PRNP: variants seen among roughly 807,000 people sequenced by gnomAD.
The protein encoded by PRNP is prion protein (Kanno blood group).
Under a neutral mutation model 21.3 loss-of-function variants are expected in PRNP, and 15 were observed. The ratio of observed to expected loss-of-function variants is 0.71; its 90% CI spans 0.47 to 1.09. The LOEUF (loss-of-function observed/expected upper bound fraction) is 1.09. PRNP is among the 50% of genes least tolerant of loss of function. PRNP has a pLI of 0.00. For synonymous variants in PRNP, 121 were observed against 123.1 expected (o/e 0.98, Z 0.11); for missense variants, 285 against 340.9 (o/e 0.84, Z 1.29).
chr20:4,687,794 T>G (rs969627624), intron 1 of PRNP, among the ~76,000 whole-genome samples: 1 of 152,238 alleles, frequency 6.6e-6, no homozygotes, highest in Non-Finnish European at 1.5e-5. Flanking sequence ...CCATATGATT[T>G]GAAGTGTTTC....
chr20:4,696,183 A>G lies in PRNP; in HGVS notation c.-10-3028A>G, dbSNP rs1488939775. On this transcript the variant is annotated intron_variant, in intron 1 of 1. Coordinates refer to ENST00000379440, the MANE Select transcript of PRNP (RefSeq NM_000311.5). ...CTGAACTTCTCAAAAAATTGAGATTACCTGGAATTTTAACTGGCATTTTAT... is the reference window on the plus strand; with the variant it reads ...CTGAACTTCTCAAAAAATTGAGATTGCCTGGAATTTTAACTGGCATTTTAT... 3.3e-5 allele frequency among the ~76,000 whole-genome samples: 5 copies of G among 152,190 alleles called. No individual in the cohort carries two copies. In the East Asian group the frequency reaches 9.6e-4, roughly 29 times the overall value.
intron 1 of PRNP, among the ~76,000 whole-genome samples, chr20:4,690,397 G>A (rs1209866905): frequency 6.6e-6 from 1 of 152,152 alleles, no homozygotes; most frequent in African/African-American, 2.4e-5. Flanking sequence ...CTTGGGATAA[G>A]TTCTTACTAG....
rs570683075 is a variant in PRNP at position 4,700,078 on chromosome 20, TTTC to T, written c.*101_*103del. 215 of 1,549,910 alleles carry T rather than the reference TTTC, an allele frequency of 1.4e-4. 4 individuals are homozygous for T. In the South Asian group the frequency reaches 2.3e-3, roughly 16 times the overall value. On this transcript the variant is annotated 3_prime_UTR_variant, in exon 2 of 2. Transcript: ENST00000379440. This position sits in a 1 kb window ranked among gnomAD's most constrained non-coding sequence, Gnocchi z 4.1. ...CCCTTTTAGTGGTGGTGTCTCACTCTTTCTTCTCTCTTTGTCCCGGATAGGCTA... is the reference window on the plus strand; with the variant it reads ...CCCTTTTAGTGGTGGTGTCTCACTCTTTCTCTCTTTGTCCCGGATAGGCTA...
chr20:4,695,662 T>C (rs544439815), intron 1 of PRNP, among the ~76,000 whole-genome samples: 53 of 152,360 alleles, frequency 3.5e-4, no homozygotes, highest in African/African-American at 1.2e-3. Flanking sequence ...TTTCCGTCTT[T>C]AGGTTTTTGA....
At chr20:4,693,267 A>G (rs1269337496) in intron 1 of PRNP, among the ~76,000 whole-genome samples, 2 of 152,102 alleles carry the variant, frequency 1.3e-5, no homozygotes, top group African/African-American at 4.8e-5. Context: ...CCACGCCACC[A>G]TCTTCCTGCA....
At chr20:4,689,790 C>T (rs1355624290) in intron 1 of PRNP, among the ~76,000 whole-genome samples, 3 of 152,046 alleles carry the variant, frequency 2.0e-5, no homozygotes, top group South Asian at 4.1e-4. Flanking sequence ...TTTTTTTTGT[C>T]GATGTGTTAA....
rs1922557482 is a variant in PRNP at position 4,700,798 on chromosome 20, A to T, written c.*816A>T. Reference sequence around the variant, plus strand: ...CATTCCTTTCTTTAAACTATAGGTAATTAAGGCAGCTGAAAAGTAAATTGC... The same window carrying T: ...CATTCCTTTCTTTAAACTATAGGTATTTAAGGCAGCTGAAAAGTAAATTGC... On this transcript the variant is annotated 3_prime_UTR_variant, in exon 2 of 2. Transcript: ENST00000379440. The surrounding 1 kb of genome is among the most constrained non-coding windows in gnomAD (Gnocchi z 4.1). 6.0e-6 allele frequency: 1 copy of T among 167,496 alleles called. No homozygotes were observed. 10.4% of individuals were successfully genotyped at this position (167,496 alleles called of 1,614,324 possible).
intron 1 of PRNP, among the ~76,000 whole-genome samples, chr20:4,694,412 C>G (rs1248209937): frequency 6.6e-6 from 1 of 152,120 alleles, no homozygotes; most frequent in Non-Finnish European, 1.5e-5. Flanking sequence ...TGAATTAATT[C>G]TAAAGTTGAT....
At position 4,699,177 on chromosome 20, in the gene PRNP, A is replaced by G; in HGVS notation, c.-10-34A>G. The G allele has an allele frequency of 1.2e-6, 2 of 1,610,208 alleles. No individual in the cohort carries two copies. The highest frequency in any genetic ancestry group is 1.7e-6 in the Non-Finnish European group (2 of 1,177,006). The stretch of plus-strand genomic sequence containing the variant: ...AACATTTAGTAATTTCAACATAAAT[A>G]TGGGACTCTGACGTTCTCCTCTTCA... On this transcript the variant is annotated intron_variant, in intron 1 of 1. Transcript: ENST00000379440. This position sits in a 1 kb window ranked among gnomAD's most constrained non-coding sequence, Gnocchi z 5.8.
intron 1 of PRNP, among the ~76,000 whole-genome samples, chr20:4,689,744 G>A (rs1921702274): frequency 6.6e-6 from 1 of 152,212 alleles, no homozygotes; most frequent in Admixed American, 6.5e-5. Context: ...ACTCCTAAGT[G>A]AATAGTGTGT....
Position 4,699,465 on chromosome 20 carries a change from G to GA in PRNP, c.246dup (p.Gln83ThrfsTer22). ...GGGCAGCCCCATGGTGGTGGCTGGG[G>GA]ACAGCCTCATGGTGGTGGCTGGGGT... is the stretch of plus-strand genomic sequence containing the variant. On this transcript the variant is annotated frameshift_variant, in exon 2 of 2. Transcript: ENST00000379440. LOFTEE classifies it high-confidence loss of function. This position sits in a 1 kb window ranked among gnomAD's most constrained non-coding sequence, Gnocchi z 5.8. 2.5e-6 allele frequency: 4 copies of GA among 1,570,774 alleles called. No homozygotes were observed. Among genetic ancestry groups the GA allele is most frequent in the Non-Finnish European group, 3.4e-6 (4 of 1,168,892 alleles).
rs1265401549 is a variant in PRNP, at chr20:4,700,463, CAT to C, written c.*482_*483del. 3.0e-6 allele frequency: 1 copy of C among 327,916 alleles called. No homozygotes were observed. Among genetic ancestry groups the C allele is most frequent in the Admixed American group, 4.6e-5 (1 of 21,782 alleles). The allele number at this position is 327,916 out of a possible 1,614,324, so 20.3% of individuals were successfully genotyped here. ...TTCTGCCAGGTTTGTTAGGAGGCCA[CAT>C]GATACTTATTCAAAAAAATCCTAGA... On this transcript the variant is annotated 3_prime_UTR_variant, in exon 2 of 2. Transcript: ENST00000379440. The surrounding 1 kb of genome is among the most constrained non-coding windows in gnomAD (Gnocchi z 4.1).
At position 4,699,663 on chromosome 20, in the gene PRNP, G is replaced by A. The variant is rs181348299; in HGVS notation, c.443G>A (p.Arg148His). The change falls in exon 2 of 2, where the codon CGT becomes CAT. Residue 148 changes from arginine (R) to histidine (H), a missense_variant. Transcript: ENST00000379440. The surrounding 1 kb of genome is among the most constrained non-coding windows in gnomAD (Gnocchi z 5.8). ...IIHFGSDYED[R>H]YYRENMHRYP... is the part of the protein sequence containing the mutation. ...CATTTCGGCAGTGACTATGAGGACC[G>A]TTACTATCGTGAAAACATGCACCGT... The A allele has an allele frequency of 2.7e-5, 43 of 1,614,102 alleles. No homozygotes were observed. The highest frequency in any genetic ancestry group is 1.6e-4 in the Middle Eastern group (1 of 6,062).
At chr20:4,692,684 C>CTTT (rs3054138) in intron 1 of PRNP, among the ~76,000 whole-genome samples, 7,667 of 152,186 alleles carry the variant, frequency 0.05, 222 homozygotes, top group Admixed American at 0.085. Context: ...TGAAGAAAAT[C>CTTT]TTTTCTTCCT....
intron 1 of PRNP, among the ~76,000 whole-genome samples, chr20:4,694,264 G>A (rs1012397146): frequency 1.3e-5 from 2 of 151,704 alleles, no homozygotes; most frequent in African/African-American, 4.8e-5. Flanking sequence ...ACTTTGGGAG[G>A]CCAAGACAGG....
At chr20:4,691,160 A>T (rs1394630994) in intron 1 of PRNP, among the ~76,000 whole-genome samples, 1 of 152,222 alleles carries the variant, frequency 6.6e-6, no homozygotes, top group South Asian at 2.1e-4. Flanking sequence ...AAATTCAAGG[A>T]GACACAAATA....
Position 4,700,758 on chromosome 20 carries a change from G to T in PRNP, c.*776G>T, listed in dbSNP as rs1209750289. On this transcript the variant is annotated 3_prime_UTR_variant, in exon 2 of 2. Transcript: ENST00000379440. The surrounding 1 kb of genome is among the most constrained non-coding windows in gnomAD (Gnocchi z 4.1). ...CAACCTCCCATTTTAGATGTTTAAA[G>T]GACCCTATATGTGGCATTCCTTTCT... is the stretch of plus-strand genomic sequence containing the variant. 5.9e-6 allele frequency: 1 copy of T among 169,650 alleles called. No individual in the cohort carries two copies. 10.5% of individuals were successfully genotyped at this position (169,650 alleles called of 1,614,324 possible). A position where few individuals can be genotyped will look rare whatever the true frequency, so the allele number is the denominator to read the frequency against.
intron 1 of PRNP, among the ~76,000 whole-genome samples, chr20:4,688,888 G>C (rs6116471): frequency 6.6e-6 from 1 of 152,014 alleles, no homozygotes; most frequent in East Asian, 1.9e-4. Flanking sequence ...CTCACTAAGG[G>C]CGTTTAAAAA....
At chr20:4,693,158 C>T (rs984120182) in intron 1 of PRNP, among the ~76,000 whole-genome samples, 2 of 152,140 alleles carry the variant, frequency 1.3e-5, no homozygotes, top group Non-Finnish European at 2.9e-5. Context: ...GGGCAACTCT[C>T]ACTCCTCCAT....
Sources: gnomAD v4.1 joint callset for allele counts (sites outside exome capture counted in the v4.1 genomes callset) on GRCh38, gnomAD v4.1.1 for gene constraint, Gnocchi (gnomAD v3.1) non-coding constraint, MANE v1.5 for transcripts, NCBI Gene and HGNC (gene_info 2026-07-23, HGNC 2026-07-21) for gene names.